Variants in NIN observed in about 807,000 individuals in gnomAD.
NIN encodes the protein ninein.
A neutral mutation model predicts 257.6 loss-of-function variants in NIN; 137 were observed. The ratio of observed to expected loss-of-function variants is 0.53; its 90% CI spans 0.46 to 0.61. The LOEUF (loss-of-function observed/expected upper bound fraction) is 0.61, where lower values mean the gene tolerates loss of function less well. NIN is among the 20% of genes least tolerant of loss of function. NIN has a pLI of 0.00. For missense variants in NIN, 2,439 were observed against 2,501.2 expected, an observed-to-expected ratio of 0.98 and a Z score of 0.53; for synonymous variants, 918 against 919.8, an observed-to-expected ratio of 1.00 and a Z score of 0.04.
intron 4 of NIN, among the ~76,000 whole-genome samples, chr14:50,796,587 C>T (rs2043849107): frequency 6.6e-6 from 1 of 152,172 alleles, no homozygotes; most frequent in Non-Finnish European, 1.5e-5. Context: ...GTTCCCCTTC[C>T]AAATCAGGAT....
intron 6 of NIN, 97 bp from the exon 7 acceptor site, chr14:50,777,236 T>G (rs1169237884): frequency 3.2e-6 from 3 of 948,036 alleles, no homozygotes; most frequent in Non-Finnish European, 4.7e-6. Context: ...ATAAATACTG[T>G]AAGAAAAAGG....
intron 3 of NIN, among the ~76,000 whole-genome samples, chr14:50,810,930 G>A (rs565113290): frequency 6.6e-6 from 1 of 152,174 alleles, no homozygotes; most frequent in South Asian, 2.1e-4. Context: ...TGAAAGTGCT[G>A]GGATTACAGG....
chr14:50,784,394 CCT>C (rs1183332454), intron 5 of NIN, among the ~76,000 whole-genome samples: 4 of 152,208 alleles, frequency 2.6e-5, no homozygotes, highest in African/African-American at 9.6e-5. Context: ...AGTTACTTAC[CCT>C]CTGTGTGCCT....
intron 18 of NIN, among the ~76,000 whole-genome samples, chr14:50,755,094 C>G (rs181255403): frequency 1.3e-5 from 2 of 152,240 alleles, no homozygotes; most frequent in Admixed American, 6.5e-5. Context: ...GCTAAAAAAC[C>G]CTTAAGCCTG....
In NIN at chr14:50,746,736, T is replaced by C. The variant is rs533532628; in HGVS notation, c.5064+1256A>G. Among the ~76,000 whole-genome samples, 51 of 152,350 alleles carry C rather than the reference T, an allele frequency of 3.3e-4. 1 individual carries two copies. The highest frequency in any genetic ancestry group is 2.9e-3 in the Admixed American group (45 of 15,300). On this transcript the variant is annotated intron_variant, in intron 22 of 30. Transcript: ENST00000530997. ...CCAATTGAAAGACTCCTGTAAATACTGAAAACAGGACAATGTTTAGGATGC... is the reference window on the plus strand; with the variant it reads ...CCAATTGAAAGACTCCTGTAAATACCGAAAACAGGACAATGTTTAGGATGC...
rs1297505691 is a variant in NIN at position 50,761,800 on chromosome 14, A to C, written c.1886T>G (p.Leu629Arg). The change falls in exon 16 of 31, where the codon CTC becomes CGC. Residue 629 changes from leucine (L) to arginine (R), a missense_variant. Leu to Arg is a moderately radical substitution (Grantham distance 102). Coordinates refer to ENST00000530997, the MANE Select transcript of NIN (RefSeq NM_020921.4). ...GTGGGAAGGACTTACTTTATCTTCG[A>C]GCTCCAGTCTGAGGCAACATATGTC... is the stretch of plus-strand genomic sequence containing the variant. ...HRDICCLRLE[L>R]EDKVRHYEKQ... The C allele has an allele frequency of 6.2e-7, 1 of 1,614,066 alleles. No individual in the cohort carries two copies.
chr14:50,818,248 G>A lies in NIN; in HGVS notation c.183+3626C>T, dbSNP rs544864789. Among the ~76,000 whole-genome samples the A allele has an allele frequency of 2.7e-5, 4 of 149,676 alleles. No homozygotes were observed. The East Asian group carries it at 6.0e-4, about 23-fold the overall frequency. On this transcript the variant is annotated intron_variant, in intron 3 of 30. Transcript: ENST00000530997. ...TGAGGCAGGAGAAAGGCGTGAACCCGGGAGGCGGAGCTTGCAGTGAGCCGA... is the reference window on the plus strand; with the variant it reads ...TGAGGCAGGAGAAAGGCGTGAACCCAGGAGGCGGAGCTTGCAGTGAGCCGA...
intron 3 of NIN, among the ~76,000 whole-genome samples, chr14:50,808,241 G>A (rs141154686): frequency 3.5e-4 from 53 of 152,304 alleles, no homozygotes; most frequent in African/African-American, 1.3e-3. Flanking sequence ...AACATCCTGG[G>A]GGAGGGAGGG....
At chr14:50,805,229 C>T (rs1439759086) in intron 4 of NIN, among the ~76,000 whole-genome samples, 2 of 152,130 alleles carry the variant, frequency 1.3e-5, no homozygotes, top group Admixed American at 1.3e-4. Flanking sequence ...TCTATTCAGG[C>T]CCCCCAGATG....
intron 29 of NIN, among the ~76,000 whole-genome samples, chr14:50,726,888 A>T (rs1276129177): frequency 6.6e-6 from 1 of 152,218 alleles, no homozygotes; most frequent in Non-Finnish European, 1.5e-5. Context: ...ACTTTAAAAG[A>T]CATGCAGAAT....
chr14:50,737,358 G>T (rs1051888178), intron 27 of NIN, among the ~76,000 whole-genome samples: 1 of 152,062 alleles, frequency 6.6e-6, no homozygotes, highest in Non-Finnish European at 1.5e-5. Flanking sequence ...CCAGTGAAGC[G>T]TTCGGGTAAC....
At chr14:50,729,872 C>G (rs1011056165) in intron 28 of NIN, 149 bp from the exon 29 acceptor site, 10 of 545,016 alleles carry the variant, frequency 1.8e-5, no homozygotes, top group Non-Finnish European at 3.1e-5. Context: ...CATATGGGCC[C>G]GAGGAATACA....
intron 13 of NIN, 49 bp downstream of exon 13, chr14:50,766,731 C>T: frequency 7.7e-7 from 1 of 1,301,586 alleles, no homozygotes; most frequent in Non-Finnish European, 1.1e-6. Context: ...TTTGAGTAAA[C>T]TACATAAAGT....
intron 28 of NIN, among the ~76,000 whole-genome samples, chr14:50,731,631 C>A (rs1438852830): frequency 6.6e-6 from 1 of 151,396 alleles, no homozygotes; most frequent in Non-Finnish European, 1.5e-5. Flanking sequence ...GTCAGGAGAT[C>A]AAGACCATCC....
At chr14:50,790,371 G>C (rs2043539489) in intron 5 of NIN, among the ~76,000 whole-genome samples, 1 of 152,172 alleles carries the variant, frequency 6.6e-6, no homozygotes, top group South Asian at 2.1e-4. Context: ...ATTTTTTAAA[G>C]AGATGAAGTG....
rs150174691 is a variant in NIN at position 50,782,987 on chromosome 14, C to T, written c.436-4183G>A. Among the ~76,000 whole-genome samples the T allele has an allele frequency of 3.9e-5, 6 of 152,170 alleles. No individual in the cohort carries two copies. In the East Asian group the frequency reaches 9.7e-4, roughly 25 times the overall value. The stretch of plus-strand genomic sequence containing the variant: ...AAAAGCGTCGTCAGATACGGCACAG[C>T]CTTCGAAAGCCCAGGCAGCATCCTC... On this transcript the variant is annotated intron_variant, in intron 5 of 30. Transcript: ENST00000530997.
In NIN at chr14:50,771,342, G is replaced by A. The variant is rs200952556; in HGVS notation, c.1108C>T (p.Arg370Trp). ...AALASFKAEI[R>W]HLLERVDQVV... ...TTCTGCTCAACTCACAACAAATGCC[G>A]GATTTCAGCCTTAAAGCTGGCCAGA... Residue 370 changes from arginine (R) to tryptophan (W), a missense_variant, in exon 10 of 31, where the codon CGG (arginine) becomes TGG (tryptophan). Coordinates refer to ENST00000530997, the MANE Select transcript of NIN (RefSeq NM_020921.4). The A allele has an allele frequency of 1.5e-4, 242 of 1,613,734 alleles. No homozygotes were observed. The highest frequency in any genetic ancestry group is 1.8e-4 in the East Asian group (8 of 44,886).
rs1168866655 is a variant in NIN at position 50,736,373 on chromosome 14, G to A, written c.5776-756C>T. ...AGACTGGTCTCGAACTCCTGACCTC[G>A]TGATCTGCCCACCTCGGCCTCCCAA... On this transcript the variant is annotated intron_variant, in intron 27 of 30. Transcript: ENST00000530997. 5.9e-5 allele frequency among the ~76,000 whole-genome samples: 9 copies of A among 151,860 alleles called. No individual in the cohort carries two copies. In the East Asian group the frequency reaches 1.6e-3, roughly 26 times the overall value.
In NIN at chr14:50,738,244, G is replaced by A; in HGVS notation, c.5671C>T (p.His1891Tyr). The A allele has an allele frequency of 1.2e-6, 2 of 1,613,712 alleles. No individual in the cohort carries two copies. Among genetic ancestry groups the A allele is most frequent in the Non-Finnish European group, 1.7e-6 (2 of 1,179,700 alleles). ...TTCATGGTACCTGATGGGTTTAGAT[G>A]TTTTTGGTGCTTGGGAAGAAGATTG... ...ESNLLPKHQK[H>Y]LNPSGTMNPT... Residue 1891 changes from histidine (H) to tyrosine (Y), a missense_variant, in exon 27 of 31, where the codon CAT (histidine) becomes TAT (tyrosine). Around this residue, in one of 3 missense-constraint regions of NIN, gnomAD observed 2,043 missense variants for 2,050.2 expected, o/e 1.00. Transcript: ENST00000530997.
Sources: allele counts gnomAD v4.1 joint callset (sites outside exome capture counted in the v4.1 genomes callset), GRCh38; gene constraint gnomAD v4.1.1; regional missense constraint gnomAD v4.1.1; transcripts MANE v1.5; gene names NCBI Gene and HGNC (gene_info 2026-07-23, HGNC 2026-07-21).